PRL: variants seen among roughly 807,000 people sequenced by gnomAD.
PRL encodes the protein decidual prolactin.
Under a neutral mutation model 21.3 loss-of-function variants are expected in PRL, and 24 were observed. The ratio of observed to expected loss-of-function variants is 1.13; its 90% CI spans 0.82 to 1.59. The LOEUF (loss-of-function observed/expected upper bound fraction) is 1.59. PRL is among the 40% of genes most tolerant of loss of function. The probability of loss-of-function intolerance (pLI) is 0.00; values close to 1 mark genes in which losing one functional copy is unlikely to be tolerated. For synonymous variants in PRL, 118 were observed against 115.7 expected (o/e 1.02, Z -0.13); for missense variants, 243 against 286.9 (o/e 0.85, Z 1.10).
chr6:22,292,410 A>T, intron 3 of PRL, 128 bp downstream of exon 3: 3 of 844,764 alleles, frequency 3.6e-6, no homozygotes, highest in Admixed American at 2.3e-5. Context: ...TAATTTTTTG[A>T]CTGCTTATTC....
In PRL at chr6:22,288,895, C is replaced by CGTGTGTGCGCGCGCGT. The variant is rs1314161192; in HGVS notation, c.492+1263_492+1278dup. On this transcript the variant is annotated intron_variant, in intron 4 of 4. Coordinates refer to ENST00000306482, the MANE Select transcript of PRL (RefSeq NM_000948.6). The surrounding 1 kb of genome is among the most constrained non-coding windows in gnomAD (Gnocchi z 4.5). ...GTGTATGCGCGTGCGCGTGTGTGTGCGTGTGTGCGCGCGCGTGTGTGTGCG... is the reference window on the plus strand; with the variant it reads ...GTGTATGCGCGTGCGCGTGTGTGTGCGTGTGTGCGCGCGCGTGTGTGTGCGCGCGCGTGTGTGTGCG... 6.8e-6 allele frequency among the ~76,000 whole-genome samples: 1 copy of CGTGTGTGCGCGCGCGT among 148,036 alleles called. No homozygotes were observed. The highest frequency in any genetic ancestry group is 2.6e-5 in the African/African-American group (1 of 38,918).
At chr6:22,298,490 A>G (rs1761224431), upstream of PRL, among the ~76,000 whole-genome samples, 1 of 152,198 alleles carries the variant, frequency 6.6e-6, no homozygotes, top group African/African-American at 2.4e-5. Flanking sequence ...AGAGCCACAT[A>G]TGTGCTTTAG....
At chr6:22,296,148 G>A (rs1416814386) in intron 1 of PRL, among the ~76,000 whole-genome samples, 2 of 152,212 alleles carry the variant, frequency 1.3e-5, no homozygotes, top group African/African-American at 4.8e-5. Context: ...CTGGATAGAT[G>A]TTCTGTAACT....
At chr6:22,290,402 G>A (rs746114994) in intron 3 of PRL, 49 bp from the exon 4 acceptor site, 8 of 1,384,280 alleles carry the variant, frequency 5.8e-6, no homozygotes, top group Non-Finnish European at 7.7e-6. Flanking sequence ...AAATACAATG[G>A]GGTTAGTTAC....
At chr6:22,289,946 G>GT (rs1761009612) in intron 4 of PRL, among the ~76,000 whole-genome samples, 1 of 152,168 alleles carries the variant, frequency 6.6e-6, no homozygotes, top group Non-Finnish European at 1.5e-5. Flanking sequence ...GTCTTTTGTA[G>GT]TTTTGCGTGT....
intron 2 of PRL, among the ~76,000 whole-genome samples, chr6:22,293,661 AGG>A: frequency 7.4e-6 from 1 of 135,234 alleles, no homozygotes; most frequent in African/African-American, 2.7e-5. Flanking sequence ...GAAGGAAGGA[AGG>A]AAGGAAGGAG....
In PRL at chr6:22,290,224, C is replaced by G; in HGVS notation, c.442G>C (p.Glu148Gln). ...EAILSKAVEIEEQTKRLLEGM... is the reference protein window; with the variant it reads ...EAILSKAVEIQEQTKRLLEGM... The stretch of plus-strand genomic sequence containing the variant: ...TCTAGAAGCCGTTTGGTTTGCTCCT[C>G]AATCTCTACAGCTTTGGATAGGATA... The change falls in exon 4 of 5, where the codon GAG becomes CAG. Residue 148 changes from glutamate (E) to glutamine (Q), a missense_variant. Physicochemically the swap from Glu to Gln is conservative, Grantham distance 29. Transcript: ENST00000306482. 2 of 1,608,814 alleles carry G rather than the reference C, an allele frequency of 1.2e-6. No homozygotes were observed. Among genetic ancestry groups the G allele is most frequent in the Non-Finnish European group, 1.7e-6 (2 of 1,176,188 alleles).
At chr6:22,290,955 C>G (rs992893463) in intron 3 of PRL, 35 of 152,418 alleles carry the variant, frequency 2.3e-4, no homozygotes, top group African/African-American at 7.5e-4. Context: ...CCCCATGCTG[C>G]TGGCAGAGCA....
chr6:22,298,824 T>C (rs994764461), upstream of PRL, among the ~76,000 whole-genome samples: 2 of 152,196 alleles, frequency 1.3e-5, no homozygotes, highest in African/African-American at 4.8e-5. Flanking sequence ...TTATAAGAAC[T>C]GACAATGACA....
upstream of PRL, among the ~76,000 whole-genome samples, chr6:22,300,585 A>T (rs1261633855): frequency 6.6e-6 from 1 of 152,184 alleles, no homozygotes; most frequent in African/African-American, 2.4e-5. Context: ...TGCTCGTTTA[A>T]ACTCTGCTAA....
chr6:22,298,216 C>T (rs1040919850), upstream of PRL, among the ~76,000 whole-genome samples: 5 of 152,172 alleles, frequency 3.3e-5, no homozygotes, highest in Admixed American at 3.3e-4. Context: ...TTCTCTGACC[C>T]TGAGCCACTC....
At chr6:22,294,300 T>A in intron 2 of PRL, 109 bp downstream of exon 2, 1 of 1,271,224 alleles carries the variant, frequency 7.9e-7, no homozygotes. Flanking sequence ...CATGTTAAAA[T>A]GTATCGTTTG....
Position 22,297,023 on chromosome 6 carries a change from T to G in PRL, c.-41A>C. Reference sequence around the variant, plus strand: ...AGGAAACACACTTCACCAGAGAAGATCTGGAAGTCTCACGGTTTTCTCTTT... The same window carrying G: ...AGGAAACACACTTCACCAGAGAAGAGCTGGAAGTCTCACGGTTTTCTCTTT... On this transcript the variant is annotated 5_prime_UTR_variant, in exon 1 of 5. Transcript: ENST00000306482. 1 of 1,609,080 alleles carries G rather than the reference T, an allele frequency of 6.2e-7. No individual in the cohort carries two copies. The highest frequency in any genetic ancestry group is 1.1e-5 in the South Asian group (1 of 90,602).
chr6:22,302,017 C>T (rs138196276), upstream of PRL, among the ~76,000 whole-genome samples: 512 of 152,042 alleles, frequency 3.4e-3, 4 homozygotes, highest in African/African-American at 0.012. Flanking sequence ...TCATGGATCT[C>T]ACTAATGCTA....
At chr6:22,300,153 A>C (rs1761256779), upstream of PRL, among the ~76,000 whole-genome samples, 1 of 152,212 alleles carries the variant, frequency 6.6e-6, no homozygotes, top group Admixed American at 6.5e-5. Context: ...GAAGAGATCA[A>C]TAGTGGTTTT....
Position 22,287,541 on chromosome 6 carries a change from G to T in PRL, c.545C>A (p.Pro182Gln). 6.2e-7 allele frequency: 1 copy of T among 1,613,984 alleles called. No individual in the cohort carries two copies. The highest frequency in any genetic ancestry group is 1.3e-5 in the African/African-American group (1 of 75,056). The change falls in exon 5 of 5, where the codon CCA becomes CAA. Residue 182 changes from proline (P) to glutamine (Q), a missense_variant. Transcript: ENST00000306482. ...NEIYPVWSGL[P>Q]SLQMADEESR... is the part of the protein sequence containing the mutation. The stretch of plus-strand genomic sequence containing the variant: ...CTCTTCATCAGCCATCTGCAGGGAT[G>T]GAAGTCCCGACCAGACAGGGTAGAT...
At chr6:22,295,136 T>C (rs547553450) in intron 1 of PRL, among the ~76,000 whole-genome samples, 1 of 152,352 alleles carries the variant, frequency 6.6e-6, no homozygotes, top group African/African-American at 2.4e-5. Context: ...AATAATGCTG[T>C]AGTTTAGATC....
At chr6:22,296,659 T>C (rs1294113136) in intron 1 of PRL, among the ~76,000 whole-genome samples, 1 of 152,182 alleles carries the variant, frequency 6.6e-6, no homozygotes, top group African/African-American at 2.4e-5. Flanking sequence ...TTCAGTAGCA[T>C]CTCTCATCAC....
rs961829488 is a variant in PRL, at chr6:22,288,895, CGTGTGT to C, written c.492+1273_492+1278del. Among the ~76,000 whole-genome samples, 2 of 148,036 alleles carry C rather than the reference CGTGTGT, an allele frequency of 1.4e-5. No individual in the cohort carries two copies. Among genetic ancestry groups the C allele is most frequent in the African/African-American group, 2.6e-5 (1 of 38,918 alleles). ...GTGTATGCGCGTGCGCGTGTGTGTG[CGTGTGT>C]GCGCGCGCGTGTGTGTGCGTGCGCG... On this transcript the variant is annotated intron_variant, in intron 4 of 4. Transcript: ENST00000306482. The surrounding 1 kb of genome is among the most constrained non-coding windows in gnomAD (Gnocchi z 4.5).
Sources: allele counts gnomAD v4.1 joint callset (sites outside exome capture counted in the v4.1 genomes callset), GRCh38; gene constraint gnomAD v4.1.1; non-coding constraint Gnocchi (gnomAD v3.1); transcripts MANE v1.5; gene names NCBI Gene and HGNC (gene_info 2026-07-23, HGNC 2026-07-21).